The following AK8 variants were observed in gnomAD, a reference collection of about 807,000 sequenced individuals.
The protein encoded by AK8 is ATP-AMP transphosphorylase 8.
In AK8, 44 loss-of-function variants were observed where a neutral mutation model predicts 54.6. That is an observed-to-expected ratio of 0.81 (90% confidence interval 0.63 to 1.04). The LOEUF is 1.04. Among genes scored for constraint, AK8 ranks in the 50% least tolerant of loss-of-function variants. The pLI is 0.00. For synonymous variants in AK8, 239 were observed against 245.6 expected, an observed-to-expected ratio of 0.97 and a Z score of 0.25; for missense variants, 555 against 613.6, an observed-to-expected ratio of 0.90 and a Z score of 1.01.
At chr9:132,855,912 G>C (rs561327615) in intron 4 of AK8, among the ~76,000 whole-genome samples, 8 of 152,112 alleles carry the variant, frequency 5.3e-5, no homozygotes, top group Admixed American at 1.3e-4. Context: ...ATCCAGAGGA[G>C]GGCCCTGACT....
chr9:132,727,213 A>G (rs941494368), intron 12 of AK8, among the ~76,000 whole-genome samples: 2 of 152,184 alleles, frequency 1.3e-5, no homozygotes, highest in African/African-American at 4.8e-5. Flanking sequence ...CCCAGGATAG[A>G]GTGGGTGAAC....
intron 11 of AK8, among the ~76,000 whole-genome samples, chr9:132,734,817 G>A (rs1363487050): frequency 2.6e-5 from 4 of 152,056 alleles, no homozygotes; most frequent in Non-Finnish European, 4.4e-5. Flanking sequence ...ATCACCTGAG[G>A]TCAAGAGTTT....
At chr9:132,727,763 C>A (rs1836644359) in intron 11 of AK8, among the ~76,000 whole-genome samples, 1 of 152,010 alleles carries the variant, frequency 6.6e-6, no homozygotes. Flanking sequence ...CACCCCAAAC[C>A]AATATTCTTC....
intron 5 of AK8, among the ~76,000 whole-genome samples, chr9:132,848,789 AC>A (rs1456122389): frequency 6.6e-6 from 1 of 151,954 alleles, no homozygotes; most frequent in African/African-American, 2.4e-5. Flanking sequence ...TGCAGGGGGC[AC>A]TCAACTGGAG....
At chr9:132,777,636 C>T (rs1332782735) in intron 11 of AK8, among the ~76,000 whole-genome samples, 1 of 152,176 alleles carries the variant, frequency 6.6e-6, no homozygotes, top group East Asian at 1.9e-4. Flanking sequence ...GTGGGCGGGG[C>T]TACTACTCCC....
rs215169 is a variant in AK8, at chr9:132,803,893, C to T, written c.979+10745G>A. Among the ~76,000 whole-genome samples, 42,849 of 151,786 alleles carry T rather than the reference C, an allele frequency of 0.28. 6,195 individuals carry two copies. Among genetic ancestry groups the T allele is most frequent in the East Asian group, 0.49 (2,524 of 5,154 alleles). On this transcript the variant is annotated intron_variant, in intron 10 of 12. Transcript: ENST00000298545. This position sits in a 1 kb window ranked among gnomAD's most constrained non-coding sequence, Gnocchi z 4.4. ...TTGGGAGGCCGAGGCTGGCGGATCA[C>T]GAGGTCAAGAGATGGAGACCTGGCC...
chr9:132,740,714 C>T (rs1047086114), intron 11 of AK8, among the ~76,000 whole-genome samples: 13 of 152,068 alleles, frequency 8.5e-5, no homozygotes, highest in Non-Finnish European at 1.8e-4. Flanking sequence ...GCTGAGCACC[C>T]CCCCGCCCCA....
chr9:132,741,742 A>G (rs1837403472), intron 11 of AK8, among the ~76,000 whole-genome samples: 1 of 152,180 alleles, frequency 6.6e-6, no homozygotes, highest in Admixed American at 6.5e-5. Flanking sequence ...TCATCAACAC[A>G]ATCTAAGTAT....
intron 11 of AK8, among the ~76,000 whole-genome samples, chr9:132,727,949 G>C (rs1836652965): frequency 6.6e-6 from 1 of 152,270 alleles, no homozygotes; most frequent in South Asian, 2.1e-4. Flanking sequence ...TGCCTCCCCA[G>C]GTCCTGCAGG....
rs1841880127 is a variant in AK8 at position 132,826,620 on chromosome 9, G to C, written c.757+234C>G. On this transcript the variant is annotated intron_variant, in intron 8 of 12. Coordinates refer to ENST00000298545, the MANE Select transcript of AK8 (RefSeq NM_152572.3). The surrounding 1 kb of genome is among the most constrained non-coding windows in gnomAD (Gnocchi z 4.5). ...CAAATCTGCTGTGGGCCAGAGATGT[G>C]ACCACATCTGAGTGTGGGACATTAG... Among the ~76,000 whole-genome samples the C allele has an allele frequency of 6.6e-6, 1 of 151,726 alleles. No homozygotes were observed. Among genetic ancestry groups the C allele is most frequent in the African/African-American group, 2.4e-5 (1 of 41,306 alleles).
chr9:132,803,810 C>T lies in AK8; in HGVS notation c.979+10828G>A, dbSNP rs140966217. Among the ~76,000 whole-genome samples, 12 of 152,236 alleles carry T rather than the reference C, an allele frequency of 7.9e-5. No individual in the cohort carries two copies. The highest frequency in any genetic ancestry group is 2.6e-4 in the African/African-American group (11 of 41,558). ...CCCTGTGACCTGTCTCCTCTTTGTT[C>T]CTTCAAGACTAATTCTCTGGGCCGG... On this transcript the variant is annotated intron_variant, in intron 10 of 12. Coordinates refer to ENST00000298545, the MANE Select transcript of AK8 (RefSeq NM_152572.3). This position sits in a 1 kb window ranked among gnomAD's most constrained non-coding sequence, Gnocchi z 4.4.
chr9:132,733,220 C>CT (rs1480037010), intron 11 of AK8, among the ~76,000 whole-genome samples: 21 of 151,430 alleles, frequency 1.4e-4, no homozygotes, highest in Admixed American at 1.2e-3. Flanking sequence ...ATAACAGCCA[C>CT]TAAAAAAAAA....
intron 5 of AK8, among the ~76,000 whole-genome samples, chr9:132,845,968 T>TA: frequency 1.3e-5 from 2 of 152,178 alleles, no homozygotes; most frequent in East Asian, 3.9e-4. Context: ...GCAGCCTTGT[T>TA]AGATTCTGGA....
intron 11 of AK8, among the ~76,000 whole-genome samples, chr9:132,758,446 TG>T: frequency 6.6e-6 from 1 of 152,162 alleles, no homozygotes; most frequent in Non-Finnish European, 1.5e-5. Context: ...TCTTTTTTTT[TG>T]TTTGTTTGTT....
intron 11 of AK8, among the ~76,000 whole-genome samples, chr9:132,754,574 A>G (rs538812680): frequency 2.6e-5 from 4 of 152,220 alleles, no homozygotes; most frequent in South Asian, 2.1e-4. Context: ...AAAACTTTCA[A>G]TGGCCATTCC....
rs139946103 is a variant in AK8, at chr9:132,857,917, G to A, written c.334-2992C>T. Among the ~76,000 whole-genome samples the A allele has an allele frequency of 2.1e-3, 313 of 152,336 alleles. 1 individual carries two copies. The highest frequency in any genetic ancestry group is 6.9e-3 in the African/African-American group (286 of 41,582). ...GTCAGCAGCAGGGCTTTCAGAGGCC[G>A]CTTCTAGAAGCCCTGCCAAACTGTC... is the stretch of plus-strand genomic sequence containing the variant. On this transcript the variant is annotated intron_variant, in intron 4 of 12. Coordinates refer to ENST00000298545, the MANE Select transcript of AK8 (RefSeq NM_152572.3).
At position 132,854,151 on chromosome 9, in the gene AK8, G is replaced by C. The variant is rs369795030; in HGVS notation, c.402+706C>G. Reference sequence around the variant, plus strand: ...GGGAAGTTGAGGCTAAGTGAGCTGTGATCATGCCACTGGGGTCCAGCCTCG... The same window carrying C: ...GGGAAGTTGAGGCTAAGTGAGCTGTCATCATGCCACTGGGGTCCAGCCTCG... On this transcript the variant is annotated intron_variant, in intron 5 of 12. Coordinates refer to ENST00000298545, the MANE Select transcript of AK8 (RefSeq NM_152572.3). Among the ~76,000 whole-genome samples the C allele has an allele frequency of 2.6e-5, 4 of 152,286 alleles. No individual in the cohort carries two copies. In the East Asian group the frequency reaches 7.7e-4, roughly 29 times the overall value.
In AK8 at chr9:132,765,926, G is replaced by A. The variant is rs906429112; in HGVS notation, c.1121+26708C>T. On this transcript the variant is annotated intron_variant, in intron 11 of 12. Transcript: ENST00000298545. ...CCCTGTTTGCAGATAGCATGATTTT[G>A]CATATAGGAAACCCTAAAATGCTCT... is the stretch of plus-strand genomic sequence containing the variant. Among the ~76,000 whole-genome samples, 6 of 152,318 alleles carry A rather than the reference G, an allele frequency of 3.9e-5. No individual in the cohort carries two copies. The East Asian group carries it at 1.2e-3, about 29-fold the overall frequency.
chr9:132,786,070 C>T (rs73546977), intron 11 of AK8, among the ~76,000 whole-genome samples: 2,958 of 152,322 alleles, frequency 0.019, 90 homozygotes, highest in African/African-American at 0.065. Context: ...AGGCAACGAG[C>T]TGAGGCGGCC....
Sources: gnomAD v4.1 joint callset for allele counts (sites outside exome capture counted in the v4.1 genomes callset) on GRCh38, gnomAD v4.1.1 for gene constraint, Gnocchi (gnomAD v3.1) non-coding constraint, MANE v1.5 for transcripts, NCBI Gene and HGNC (gene_info 2026-07-23, HGNC 2026-07-21) for gene names.